ARHGEF26: variants seen among roughly 807,000 people sequenced by gnomAD.
ARHGEF26 encodes the protein Rho guanine nucleotide exchange factor (GEF) 26.
ARHGEF26 carries 59 observed loss-of-function variants against 89.4 expected under a neutral mutation model. That is an observed-to-expected ratio of 0.66 (90% CI 0.54 to 0.82). The LOEUF is 0.82. ARHGEF26 is among the 40% of genes least tolerant of loss of function. The pLI is 0.00. For synonymous variants in ARHGEF26, 500 were observed against 428.4 expected (o/e 1.17, Z -2.06); for missense variants, 1,234 against 1,085.6 (o/e 1.14, Z -1.92).
chr3:154,224,423 ATCTT>A (rs1184850352), intron 10 of ARHGEF26, among the ~76,000 whole-genome samples: 1 of 152,190 alleles, frequency 6.6e-6, no homozygotes, highest in Non-Finnish European at 1.5e-5. Context: ...CAATTTAAAA[ATCTT>A]TCTTTCTCCA....
At position 154,255,470 on chromosome 3, in the gene ARHGEF26, GTAGTCTC is replaced by G; in HGVS notation, c.2615_*5del. On this transcript the variant is annotated stop_lost and 3_prime_UTR_variant, in exon 15 of 15. Coordinates refer to ENST00000465093, the MANE Select transcript of ARHGEF26 (RefSeq NM_015595.4). ...GCTTGCTAGGACTGGAGACCAACGTGTAGTCTCTCAGATGGTCTTTTGTTACTGCAAG... is the reference window on the plus strand; with the variant it reads ...GCTTGCTAGGACTGGAGACCAACGTGTCAGATGGTCTTTTGTTACTGCAAG... 1 of 1,612,524 alleles carries G rather than the reference GTAGTCTC, an allele frequency of 6.2e-7. No homozygotes were observed. Among genetic ancestry groups the G allele is most frequent in the Non-Finnish European group, 8.5e-7 (1 of 1,179,114 alleles).
Position 154,256,883 on chromosome 3 carries a change from A to T in ARHGEF26, c.*1410A>T. The T allele has an allele frequency of 6.5e-7, 1 of 1,535,062 alleles. No individual in the cohort carries two copies. Among genetic ancestry groups the T allele is most frequent in the Non-Finnish European group, 8.7e-7 (1 of 1,146,650 alleles). Reference sequence around the variant, plus strand: ...TTTCCACTAGTGCACAGAGAGAGAAAGGTTATCTTAATAGTCGGTTTCATG... The same window carrying T: ...TTTCCACTAGTGCACAGAGAGAGAATGGTTATCTTAATAGTCGGTTTCATG... On this transcript the variant is annotated 3_prime_UTR_variant, in exon 15 of 15. Coordinates refer to ENST00000465093, the MANE Select transcript of ARHGEF26 (RefSeq NM_015595.4).
chr3:154,180,568 A>T (rs1291291393), intron 6 of ARHGEF26, among the ~76,000 whole-genome samples: 1 of 151,230 alleles, frequency 6.6e-6, no homozygotes, highest in East Asian at 1.9e-4. Flanking sequence ...AAGGACTTAA[A>T]AAGGTCTGTG....
chr3:154,161,019 G>T lies in ARHGEF26; in HGVS notation c.1487+8087G>T, dbSNP rs997783808. 3.9e-5 allele frequency among the ~76,000 whole-genome samples: 6 copies of T among 152,066 alleles called. No individual in the cohort carries two copies. The East Asian group carries it at 5.8e-4, about 15-fold the overall frequency. ...AGGACCACATAAGAAGGGGACTGTT[G>T]TACAGGAAACGAAGGTATAGTGGCA... On this transcript the variant is annotated intron_variant, in intron 6 of 14. Coordinates refer to ENST00000465093, the MANE Select transcript of ARHGEF26 (RefSeq NM_015595.4).
intron 6 of ARHGEF26, among the ~76,000 whole-genome samples, chr3:154,171,521 T>C (rs1483146522): frequency 5.3e-5 from 8 of 152,244 alleles, no homozygotes; most frequent in African/African-American, 1.9e-4. Flanking sequence ...TTCCACCTGT[T>C]CATCCCTCCC....
chr3:154,240,874 T>C (rs1189967562), intron 12 of ARHGEF26, among the ~76,000 whole-genome samples: 1 of 152,182 alleles, frequency 6.6e-6, no homozygotes, highest in African/African-American at 2.4e-5. Flanking sequence ...ACTTTTTTCA[T>C]TGACAAAAAT....
chr3:154,173,588 T>TA (rs1176996637), intron 6 of ARHGEF26, among the ~76,000 whole-genome samples: 1 of 152,210 alleles, frequency 6.6e-6, no homozygotes, highest in African/African-American at 2.4e-5. Flanking sequence ...TCTTTAATGT[T>TA]TAATGTTTTA....
intron 11 of ARHGEF26, 132 bp downstream of exon 11, chr3:154,226,142 T>A: frequency 2.7e-6 from 2 of 745,180 alleles, no homozygotes; most frequent in Non-Finnish European, 4.0e-6. Flanking sequence ...TGAATCATAA[T>A]TGCATCTATG....
At chr3:154,135,823 T>C (rs1718967591) in intron 4 of ARHGEF26, among the ~76,000 whole-genome samples, 1 of 152,180 alleles carries the variant, frequency 6.6e-6, no homozygotes, top group African/African-American at 2.4e-5. Context: ...TTCTTTTAGA[T>C]AGATTTTGAC....
Position 154,246,086 on chromosome 3 carries a change from G to C in ARHGEF26, c.2300+5507G>C, listed in dbSNP as rs1717784765. ...TGGTAAGTGCAGTGAAGACCCTAAA[G>C]CTGGTGATGTGATCCGGAGTGAGTG... On this transcript the variant is annotated intron_variant, in intron 12 of 14. Transcript: ENST00000465093. Among the ~76,000 whole-genome samples, 3 of 152,184 alleles carry C rather than the reference G, an allele frequency of 2.0e-5. No homozygotes were observed. In the South Asian group the frequency reaches 6.2e-4, roughly 32 times the overall value.
chr3:154,144,789 T>C (rs1719602393), intron 4 of ARHGEF26, among the ~76,000 whole-genome samples: 1 of 152,162 alleles, frequency 6.6e-6, no homozygotes, highest in South Asian at 2.1e-4. Flanking sequence ...TTCAAACACT[T>C]TTTTGAGGAT....
At chr3:154,124,489 T>C in intron 3 of ARHGEF26, 40 bp downstream of exon 3, 2 of 1,501,400 alleles carry the variant, frequency 1.3e-6, no homozygotes, top group East Asian at 2.4e-5. Context: ...GCTGTTTCAA[T>C]GTGGAATACC....
At chr3:154,252,350 A>G (rs73875335) in intron 12 of ARHGEF26, among the ~76,000 whole-genome samples, 1,733 of 152,240 alleles carry the variant, frequency 0.011, 31 homozygotes, top group African/African-American at 0.04. Flanking sequence ...AATACATAAG[A>G]GAGTTAAAAG....
Position 154,240,358 on chromosome 3 carries a change from T to C in ARHGEF26, c.2091-12T>C. The C allele has an allele frequency of 1.3e-6, 2 of 1,582,066 alleles. No homozygotes were observed. Among genetic ancestry groups the C allele is most frequent in the East Asian group, 2.3e-5 (1 of 44,396 alleles). ...TGAATAATTGACGTGTTCTTTTCCC[T>C]TTCCTTTACAGTGAAGAAAGTTACA... On this transcript the variant is annotated splice_polypyrimidine_tract_variant and intron_variant, in intron 11 of 14. Coordinates refer to ENST00000465093, the MANE Select transcript of ARHGEF26 (RefSeq NM_015595.4).
intron 6 of ARHGEF26, among the ~76,000 whole-genome samples, chr3:154,173,705 T>A (rs538780604): frequency 6.6e-6 from 1 of 152,310 alleles, no homozygotes; most frequent in South Asian, 2.1e-4. Flanking sequence ...TTGCAATCTA[T>A]TGCTTGTCTT....
In ARHGEF26 at chr3:154,225,884, G is replaced by A; in HGVS notation, c.1964G>A (p.Trp655Ter). ...TTTCCTTTAGTCTCCTCTTCCCGGT[G>A]GTTGGTAAAAAGAGGTGAATTGACA... ...KPFPLVSSSR[W>*]LVKRGELTAY... Residue 655 changes from tryptophan (W) to a stop codon, truncating the protein, a stop_gained, in exon 11 of 15, where the codon TGG becomes TAG. Coordinates refer to ENST00000465093, the MANE Select transcript of ARHGEF26 (RefSeq NM_015595.4). LOFTEE classifies it high-confidence loss of function. The A allele has an allele frequency of 6.2e-7, 1 of 1,608,266 alleles. No individual in the cohort carries two copies. The highest frequency in any genetic ancestry group is 8.5e-7 in the Non-Finnish European group (1 of 1,177,396).
intron 10 of ARHGEF26, 83 bp downstream of exon 10, chr3:154,218,041 T>C (rs1715891275): frequency 1.6e-6 from 2 of 1,234,282 alleles, no homozygotes; most frequent in East Asian, 2.5e-5. Flanking sequence ...ACAAAGTAGA[T>C]AGGAAATTGC....
At chr3:154,187,292 T>C in intron 6 of ARHGEF26, 3 of 850,330 alleles carry the variant, frequency 3.5e-6, no homozygotes, top group Non-Finnish European at 4.2e-6. Context: ...TAAAGAATTC[T>C]TGAAAAATAA....
At position 154,253,180 on chromosome 3, in the gene ARHGEF26, A is replaced by C. The variant is rs565358709; in HGVS notation, c.2365A>C (p.Thr789Pro). ...HSSGKPPADR[T>P]SLTQVEIVRS... The stretch of plus-strand genomic sequence containing the variant: ...CAGCGGGAAGCCGCCTGCAGACCGA[A>C]CCTGTAAGTTCTCTCAAGGGGAAGC... Residue 789 changes from threonine (T) to proline (P), a missense_variant, in exon 13 of 15, where the codon ACC becomes CCC. Thr to Pro is a conservative substitution (Grantham distance 38). Transcript: ENST00000465093. The C allele has an allele frequency of 2.9e-5, 47 of 1,614,026 alleles. No individual in the cohort carries two copies. The South Asian group carries it at 5.1e-4, about 17-fold the overall frequency.
Sources: allele counts gnomAD v4.1 joint callset (sites outside exome capture counted in the v4.1 genomes callset), GRCh38; gene constraint gnomAD v4.1.1; transcripts MANE v1.5; gene names NCBI Gene and HGNC (gene_info 2026-07-23, HGNC 2026-07-21).